Variants in CA8 observed in about 807,000 individuals in gnomAD.
The protein encoded by CA8 is carbonic anhydrase-related protein.
A neutral mutation model predicts 41.4 loss-of-function variants in CA8; 22 were observed. The observed-to-expected ratio is 0.53, with a 90% CI of 0.38 to 0.76. The LOEUF (loss-of-function observed/expected upper bound fraction) is 0.76. Ranked by LOEUF, CA8 falls within the 30% of genes least tolerant of loss-of-function variation. The pLI, the probability that CA8 is intolerant of heterozygous loss-of-function variation, is 0.00. For missense variants in CA8, 270 were observed against 352.8 expected (o/e 0.77, Z 1.88); for synonymous variants, 121 against 130.6 (o/e 0.93, Z 0.50).
intron 3 of CA8, among the ~76,000 whole-genome samples, chr8:60,236,472 C>G (rs1188860816): frequency 6.6e-6 from 1 of 152,088 alleles, no homozygotes; most frequent in African/African-American, 2.4e-5. Flanking sequence ...CTGACTAATA[C>G]AGATCATGCA....
intron 8 of CA8, among the ~76,000 whole-genome samples, chr8:60,202,952 CT>C (rs1291379193): frequency 1.9e-4 from 29 of 152,234 alleles, no homozygotes; most frequent in African/African-American, 7.0e-4. Context: ...TTGTTTGACT[CT>C]ACTACGTAGA....
chr8:60,227,984 C>A (rs988454936), intron 4 of CA8, among the ~76,000 whole-genome samples: 9 of 152,268 alleles, frequency 5.9e-5, no homozygotes, highest in Admixed American at 6.5e-5. Context: ...CTCAAATAAA[C>A]AATCATTGCT....
At chr8:60,217,302 A>C (rs12708002) in intron 7 of CA8, among the ~76,000 whole-genome samples, 59,948 of 152,096 alleles carry the variant, frequency 0.39, 12,098 homozygotes, top group Admixed American at 0.46. Flanking sequence ...TCTCAAGTCT[A>C]TAATCTCTCC....
intron 5 of CA8, 106 bp from the exon 6 acceptor site, chr8:60,224,691 G>T: frequency 1.4e-6 from 1 of 725,386 alleles, no homozygotes; most frequent in Non-Finnish European, 2.4e-6. Flanking sequence ...TTTCTGAATG[G>T]CCTCATCAGG....
At position 60,207,269 on chromosome 8, in the gene CA8, C is replaced by T. The variant is rs180859280; in HGVS notation, c.*35+1481G>A. 2.3e-3 allele frequency among the ~76,000 whole-genome samples: 347 copies of T among 152,328 alleles called. 1 individual carries two copies. Among genetic ancestry groups the T allele is most frequent in the African/African-American group, 7.7e-3 (322 of 41,564 alleles). On this transcript the variant is annotated intron_variant, in intron 8 of 8. Coordinates refer to ENST00000317995, the MANE Select transcript of CA8 (RefSeq NM_004056.6). Reference sequence around the variant, plus strand: ...GTCTTGGCTAACTTGTCTGTAAAGCCTCCCACAAGATTTTATGCACACTTA... The same window carrying T: ...GTCTTGGCTAACTTGTCTGTAAAGCTTCCCACAAGATTTTATGCACACTTA...
intron 3 of CA8, among the ~76,000 whole-genome samples, chr8:60,244,605 G>A (rs549270053): frequency 3.9e-5 from 6 of 152,144 alleles, no homozygotes; most frequent in South Asian, 2.1e-4. Context: ...TCATTTGCCC[G>A]CGAAATACCA....
At chr8:60,255,229 C>T (rs1808586101) in intron 3 of CA8, among the ~76,000 whole-genome samples, 1 of 152,150 alleles carries the variant, frequency 6.6e-6, no homozygotes, top group Non-Finnish European at 1.5e-5. Context: ...ATAAATCCTA[C>T]CTGGAACACC....
intron 7 of CA8, among the ~76,000 whole-genome samples, chr8:60,212,652 T>A (rs1450573820): frequency 6.6e-6 from 1 of 152,060 alleles, no homozygotes; most frequent in Non-Finnish European, 1.5e-5. Context: ...GAAGCAGAAA[T>A]GGGGATGTAA....
At chr8:60,259,430 A>G (rs1467336809) in intron 3 of CA8, among the ~76,000 whole-genome samples, 1 of 152,202 alleles carries the variant, frequency 6.6e-6, no homozygotes, top group East Asian at 1.9e-4. Context: ...TTGCCAAAAC[A>G]ACCTTTTGTA....
At chr8:60,267,967 C>T (rs986896943) in intron 2 of CA8, among the ~76,000 whole-genome samples, 4 of 152,166 alleles carry the variant, frequency 2.6e-5, no homozygotes, top group Non-Finnish European at 4.4e-5. Flanking sequence ...ACAACTCATT[C>T]CTTTCTCTTG....
At chr8:60,229,917 C>A (rs67956711) in intron 4 of CA8, among the ~76,000 whole-genome samples, 51,750 of 152,046 alleles carry the variant, frequency 0.34, 9,510 homozygotes, top group Admixed American at 0.43. Context: ...ACACGACTTA[C>A]CAGAACTCTC....
intron 2 of CA8, among the ~76,000 whole-genome samples, chr8:60,273,812 G>C (rs1804144716): frequency 6.6e-6 from 1 of 152,236 alleles, no homozygotes. Flanking sequence ...ACCTTGGCTT[G>C]AGAAGTTCCA....
intron 2 of CA8, among the ~76,000 whole-genome samples, chr8:60,270,238 C>T (rs1223050401): frequency 6.6e-6 from 1 of 152,138 alleles, no homozygotes; most frequent in African/African-American, 2.4e-5. Context: ...AAAGGGTAAG[C>T]CTAACCAGTA....
At chr8:60,199,700 T>C (rs79833155) in intron 8 of CA8, among the ~76,000 whole-genome samples, 2,643 of 152,272 alleles carry the variant, frequency 0.017, 33 homozygotes, top group Middle Eastern at 0.048. Flanking sequence ...ATTATCTAGA[T>C]TATTTTAGAT....
At chr8:60,232,573 G>T in intron 3 of CA8, 194 bp from the exon 4 acceptor site, 1 of 637,214 alleles carries the variant, frequency 1.6e-6, no homozygotes, top group South Asian at 1.7e-5. Flanking sequence ...AACAGAAGCA[G>T]TGCTTAGTGG....
intron 4 of CA8, among the ~76,000 whole-genome samples, chr8:60,230,591 C>T (rs1402950058): frequency 1.3e-5 from 2 of 151,290 alleles, no homozygotes; most frequent in African/African-American, 4.9e-5. Flanking sequence ...CTTCCCCTCT[C>T]CTTCCCTCCT....
chr8:60,214,106 G>A (rs10100615), intron 7 of CA8, among the ~76,000 whole-genome samples: 55,725 of 151,894 alleles, frequency 0.37, 10,636 homozygotes, highest in Admixed American at 0.44. Flanking sequence ...GGCTGTCTTC[G>A]TCTGTTTTGT....
intron 7 of CA8, among the ~76,000 whole-genome samples, chr8:60,213,711 A>G (rs139291910): frequency 2.2e-4 from 34 of 152,156 alleles, no homozygotes; most frequent in Non-Finnish European, 4.1e-4. Flanking sequence ...TTTTGCACGT[A>G]TTGGGTTAAA....
In CA8 at chr8:60,190,096, T is replaced by G. The variant is rs556887525; in HGVS notation, c.*36-111A>C. On this transcript the variant is annotated intron_variant, in intron 8 of 8. Transcript: ENST00000317995. ...GAGATAGTAAAAACTAAAAATTTCATAAGAAAATGTGGAAATTTCAAAAAT... is the reference window on the plus strand; with the variant it reads ...GAGATAGTAAAAACTAAAAATTTCAGAAGAAAATGTGGAAATTTCAAAAAT... 6.5e-4 allele frequency: 99 copies of G among 151,776 alleles called. 1 individual carries two copies. The highest frequency in any genetic ancestry group is 1.1e-3 in the Non-Finnish European group (78 of 67,896). 9.4% of individuals were successfully genotyped at this position (151,776 alleles called of 1,614,324 possible).
Sources: allele counts gnomAD v4.1 joint callset (sites outside exome capture counted in the v4.1 genomes callset), GRCh38; gene constraint gnomAD v4.1.1; transcripts MANE v1.5; gene names NCBI Gene and HGNC (gene_info 2026-07-23, HGNC 2026-07-21).